Variants in MDGA2 observed in about 807,000 individuals in gnomAD.
MDGA2 encodes MAM domain-containing glycosylphosphatidylinositol anchor protein 2.
Under a neutral mutation model 117.8 loss-of-function variants are expected in MDGA2, and 40 were observed. The ratio of observed to expected loss-of-function variants is 0.34; its 90% CI spans 0.26 to 0.44. The LOEUF (loss-of-function observed/expected upper bound fraction) is 0.44. MDGA2 is among the 20% of genes least tolerant of loss of function. The pLI is 1.00. For missense variants in MDGA2, 1,123 were observed against 1,250.6 expected (o/e 0.90, Z 1.54); for synonymous variants, 452 against 439.0 (o/e 1.03, Z -0.37).
At chr14:47,438,029 C>T (rs1228566686) in intron 1 of MDGA2, among the ~76,000 whole-genome samples, 1 of 152,048 alleles carries the variant, frequency 6.6e-6, no homozygotes, top group Non-Finnish European at 1.5e-5. Flanking sequence ...ATACATGGAG[C>T]CATGTATTTC....
At chr14:47,564,457 G>A (rs2138807753) in intron 1 of MDGA2, among the ~76,000 whole-genome samples, 1 of 152,274 alleles carries the variant, frequency 6.6e-6, no homozygotes, top group South Asian at 2.1e-4. Flanking sequence ...ATGGCAGCAG[G>A]CAAAGAGAGC....
chr14:47,583,953 C>G (rs542949424), intron 1 of MDGA2, among the ~76,000 whole-genome samples: 1 of 151,776 alleles, frequency 6.6e-6, no homozygotes, highest in African/African-American at 2.4e-5. Flanking sequence ...TAAACTGAGG[C>G]ACTAGGCAAT....
rs564805457 is a variant in MDGA2 at position 46,956,959 on chromosome 14, C to G, written c.2089+415G>C. On this transcript the variant is annotated intron_variant, in intron 9 of 16. Transcript: ENST00000399232. ...TTGCTGCCACCATGTGAAGTAGGTC[C>G]TTGCTTCCCCTTTGCCTTTTGCCAT... is the stretch of plus-strand genomic sequence containing the variant. 5.9e-5 allele frequency among the ~76,000 whole-genome samples: 9 copies of G among 152,220 alleles called. No individual in the cohort carries two copies. The South Asian group carries it at 1.9e-3, about 32-fold the overall frequency.
chr14:47,360,401 A>AAAAT, intron 1 of MDGA2, among the ~76,000 whole-genome samples: 1 of 150,992 alleles, frequency 6.6e-6, no homozygotes, highest in African/African-American at 2.4e-5. Flanking sequence ...AAAATAAAAT[A>AAAAT]AAAAATTAAA....
intron 1 of MDGA2, among the ~76,000 whole-genome samples, chr14:47,540,567 C>A: frequency 1.0e-5 from 1 of 97,378 alleles, no homozygotes; most frequent in South Asian, 5.0e-4. Flanking sequence ...TATATATACA[C>A]ACACACATAG....
At chr14:47,267,934 T>C (rs1206680208) in intron 2 of MDGA2, among the ~76,000 whole-genome samples, 2 of 152,196 alleles carry the variant, frequency 1.3e-5, no homozygotes, top group African/African-American at 4.8e-5. Flanking sequence ...CAAACATTTA[T>C]TGGTAGTACT....
At chr14:46,846,456 T>A (rs1356411431) in intron 15 of MDGA2, among the ~76,000 whole-genome samples, 1 of 152,110 alleles carries the variant, frequency 6.6e-6, no homozygotes, top group Non-Finnish European at 1.5e-5. Flanking sequence ...TTTTTAAACT[T>A]GAAGATATGT....
At position 47,262,588 on chromosome 14, in the gene MDGA2, T is replaced by C. The variant is rs551652080; in HGVS notation, c.420+38823A>G. Among the ~76,000 whole-genome samples the C allele has an allele frequency of 2.2e-4, 34 of 152,310 alleles. No individual in the cohort carries two copies. In the South Asian group the frequency reaches 6.6e-3, roughly 30 times the overall value. On this transcript the variant is annotated intron_variant, in intron 2 of 16. Coordinates refer to ENST00000399232, the MANE Select transcript of MDGA2 (RefSeq NM_001113498.3). ...TTTCTCCCTTACTCCATGAATTTGC[T>C]TGGGCAACACCATCTAGGCCATCAA...
At chr14:46,893,155 T>C (rs753603565) in intron 10 of MDGA2, among the ~76,000 whole-genome samples, 12 of 151,868 alleles carry the variant, frequency 7.9e-5, no homozygotes, top group Non-Finnish European at 1.8e-4. Flanking sequence ...CAATTGAATA[T>C]TACCCAGCTT....
At chr14:47,514,221 A>AT (rs948544729) in intron 1 of MDGA2, among the ~76,000 whole-genome samples, 3 of 151,550 alleles carry the variant, frequency 2.0e-5, no homozygotes, top group East Asian at 1.9e-4. Context: ...CACTTGGCAT[A>AT]TTTTTTTTTC....
rs994008029 is a variant in MDGA2 at position 46,858,476 on chromosome 14, G to A, written c.2753-3322C>T. On this transcript the variant is annotated intron_variant, in intron 14 of 16. Transcript: ENST00000399232. ...GGAGTCTCGCTCTGTCTCCCAGGCTGAAGTGCAGTGGCGCGATCTCGGCTC... is the reference window on the plus strand; with the variant it reads ...GGAGTCTCGCTCTGTCTCCCAGGCTAAAGTGCAGTGGCGCGATCTCGGCTC... Among the ~76,000 whole-genome samples, 7 of 132,186 alleles carry A rather than the reference G, an allele frequency of 5.3e-5. No homozygotes were observed. The Admixed American group carries it at 6.1e-4, about 12-fold the overall frequency. 86.7% of individuals were successfully genotyped at this position (132,186 alleles called of 152,430 possible). A position where few individuals can be genotyped will look rare whatever the true frequency, so the allele number is the denominator to read the frequency against.
chr14:47,258,315 G>A (rs1887688094), intron 2 of MDGA2, among the ~76,000 whole-genome samples: 1 of 152,114 alleles, frequency 6.6e-6, no homozygotes, highest in South Asian at 2.1e-4. Flanking sequence ...AAGCATGGCT[G>A]CAGAGGCTCA....
chr14:46,865,019 G>T (rs35596485), intron 14 of MDGA2, among the ~76,000 whole-genome samples: 25,305 of 151,482 alleles, frequency 0.17, 2,955 homozygotes, highest in Non-Finnish European at 0.25. Flanking sequence ...AACTCCAAGG[G>T]AAAAAAAATC....
At chr14:47,166,372 C>G (rs1883878596) in intron 3 of MDGA2, among the ~76,000 whole-genome samples, 2 of 152,084 alleles carry the variant, frequency 1.3e-5, no homozygotes, top group Non-Finnish European at 2.9e-5. Context: ...TTCTTAAAAA[C>G]TTTCAAAAGA....
chr14:47,099,689 G>A (rs1446238895), intron 5 of MDGA2, among the ~76,000 whole-genome samples: 1 of 151,878 alleles, frequency 6.6e-6, no homozygotes, highest in Non-Finnish European at 1.5e-5. Flanking sequence ...AAGGTACCTG[G>A]GTTCAAGTCT....
intron 6 of MDGA2, among the ~76,000 whole-genome samples, chr14:47,071,976 T>C (rs1271218113): frequency 1.3e-5 from 2 of 151,686 alleles, no homozygotes; most frequent in African/African-American, 4.8e-5. Flanking sequence ...GTCACCATCG[T>C]ATAGTTGTTC....
intron 3 of MDGA2, among the ~76,000 whole-genome samples, chr14:47,164,657 T>A (rs1215366136): frequency 6.6e-6 from 1 of 152,188 alleles, no homozygotes; most frequent in Admixed American, 6.5e-5. Flanking sequence ...TTGGTAGGAC[T>A]GTAAACTAGT....
chr14:47,062,677 G>T (rs1889933858), intron 6 of MDGA2, among the ~76,000 whole-genome samples: 1 of 151,746 alleles, frequency 6.6e-6, no homozygotes, highest in Non-Finnish European at 1.5e-5. Context: ...GAATTTAGAG[G>T]ACCTACAGAC....
chr14:47,132,594 T>C (rs545186404), intron 4 of MDGA2, among the ~76,000 whole-genome samples: 1 of 151,984 alleles, frequency 6.6e-6, no homozygotes, highest in Admixed American at 6.6e-5. Context: ...GGATTGAAAT[T>C]GTTGAAAGGA....
Sources: gnomAD v4.1 joint callset for allele counts (sites outside exome capture counted in the v4.1 genomes callset) on GRCh38, gnomAD v4.1.1 for gene constraint, MANE v1.5 for transcripts, NCBI Gene and HGNC (gene_info 2026-07-23, HGNC 2026-07-21) for gene names.